The following NDUFAF7 variants were observed in gnomAD, a reference collection of about 807,000 sequenced individuals.
NDUFAF7 encodes the protein protein arginine methyltransferase NDUFAF7, mitochondrial.
In NDUFAF7, 48 loss-of-function variants were observed where a neutral mutation model predicts 47.2. That is an observed-to-expected ratio of 1.02 (90% CI 0.81 to 1.29). The LOEUF is 1.29. Ranked by LOEUF, NDUFAF7 falls within the 50% of genes most tolerant of loss-of-function variation. The pLI, the probability that NDUFAF7 is intolerant of heterozygous loss-of-function variation, is 0.00. For synonymous variants in NDUFAF7, 217 were observed against 190.0 expected, an observed-to-expected ratio of 1.14 and a Z score of -1.17; for missense variants, 635 against 537.6, an observed-to-expected ratio of 1.18 and a Z score of -1.79.
downstream of NDUFAF7, chr2:37,250,669 C>CTT (rs1266523607): frequency 6.6e-6 from 1 of 152,046 alleles, no homozygotes; most frequent in Non-Finnish European, 1.5e-5. Context: ...TCTTTGGATA[C>CTT]TTATACTAGA....
At chr2:37,249,633 C>T (rs1667309074), downstream of NDUFAF7, among the ~76,000 whole-genome samples, 1 of 121,862 alleles carries the variant, frequency 8.2e-6, no homozygotes, top group African/African-American at 3.4e-5. Flanking sequence ...GCACTGTAGC[C>T]TGTGATAGAG....
intron 1 of NDUFAF7, 30 bp from the exon 2 acceptor site, chr2:37,232,076 T>TG: frequency 6.2e-7 from 1 of 1,614,186 alleles, no homozygotes; most frequent in Non-Finnish European, 8.5e-7. Context: ...AGATTTATCA[T>TG]GGGGTCTGTT....
downstream of NDUFAF7, chr2:37,250,667 T>C (rs1014422768): frequency 3.3e-5 from 5 of 152,192 alleles, no homozygotes; most frequent in Non-Finnish European, 7.4e-5. Context: ...TTTCTTTGGA[T>C]ACTTATACTA....
chr2:37,236,117 A>G lies in NDUFAF7; in HGVS notation c.238A>G (p.Met80Val). ...PAKGYYVYRD[M>V]LGEKGDFITS... ...TCAGGGTTATTATGTGTACCGTGAC[A>G]TGCTAGGCGAAAAAGGAGATTTCAT... The change falls in exon 3 of 10, where the codon ATG becomes GTG. Residue 80 changes from methionine to valine, a missense_variant. Met to Val is a conservative substitution (Grantham distance 21). Coordinates refer to ENST00000002125, the MANE Select transcript of NDUFAF7 (RefSeq NM_144736.5). 6.2e-7 allele frequency: 1 copy of G among 1,613,286 alleles called. No individual in the cohort carries two copies. The highest frequency in any genetic ancestry group is 8.5e-7 in the Non-Finnish European group (1 of 1,179,330).
chr2:37,266,928 G>T, the NDUFAF7 span, among the ~76,000 whole-genome samples: 1 of 152,216 alleles, frequency 6.6e-6, no homozygotes, highest in Non-Finnish European at 1.5e-5. Context: ...CTAGATGACC[G>T]CCCCCAAGGG....
At chr2:37,266,728 T>TCCA in the NDUFAF7 span, among the ~76,000 whole-genome samples, 7 of 152,178 alleles carry the variant, frequency 4.6e-5, no homozygotes, top group African/African-American at 1.7e-4. Context: ...CCTCAGGTGA[T>TCCA]CCACCCGCCT....
In NDUFAF7 at chr2:37,246,183, A is replaced by T. The variant is rs767096893; in HGVS notation, c.924A>T (p.Thr308=). ...VADYGHDGTK[T]DTFRGFCDHK... Reference sequence around the variant, plus strand: ...ATTATGGTCATGATGGAACAAAGACAGATACCTTCAGAGTATGTATAATTC... The same window carrying T: ...ATTATGGTCATGATGGAACAAAGACTGATACCTTCAGAGTATGTATAATTC... The change falls in exon 8 of 10, where the codon ACA becomes ACT. Residue 308 remains threonine (T), a synonymous_variant. Transcript: ENST00000002125. 1.9e-6 allele frequency: 3 copies of T among 1,613,826 alleles called. No individual in the cohort carries two copies. The highest frequency in any genetic ancestry group is 2.5e-6 in the Non-Finnish European group (3 of 1,179,774).
rs867585776 is a variant in NDUFAF7, at chr2:37,237,808, G to A, written c.349G>A (p.Ala117Thr). The A allele has an allele frequency of 6.2e-7, 1 of 1,613,870 alleles. No homozygotes were observed. Among genetic ancestry groups the A allele is most frequent in the Admixed American group, 1.7e-5 (1 of 60,012 alleles). ...ATGGATGGCCACTGGAAAAAGCACAGCTTTCCAGCTGGTGGAACTGGGCCC... is the reference window on the plus strand; with the variant it reads ...ATGGATGGCCACTGGAAAAAGCACAACTTTCCAGCTGGTGGAACTGGGCCC... Reference protein sequence around the residue: ...SEWMATGKSTAFQLVELGPGR... With the variant: ...SEWMATGKSTTFQLVELGPGR... Residue 117 changes from alanine to threonine, a missense_variant, in exon 4 of 10, where the codon GCT becomes ACT. Transcript: ENST00000002125.
intron 8 of NDUFAF7, 162 bp from the exon 9 acceptor site, chr2:37,247,293 CT>C: frequency 2.6e-6 from 2 of 781,562 alleles, no homozygotes; most frequent in Non-Finnish European, 4.2e-6. Flanking sequence ...GATGCATATA[CT>C]TTGTAAAACA....
At chr2:37,252,992 T>G (rs1455627418), downstream of NDUFAF7, 1 of 475,210 alleles carries the variant, frequency 2.1e-6, no homozygotes, top group African/African-American at 2.0e-5. Flanking sequence ...CCATTATGAC[T>G]TCTTATTATT....
At chr2:37,254,363 GC>G, downstream of NDUFAF7, 1 of 1,146,606 alleles carries the variant, frequency 8.7e-7, no homozygotes, top group Non-Finnish European at 1.3e-6. Flanking sequence ...TGCCTAGAAG[GC>G]AGTTCAACCC....
chr2:37,259,847 A>G, the NDUFAF7 span, among the ~76,000 whole-genome samples: 1 of 152,188 alleles, frequency 6.6e-6, no homozygotes, highest in African/African-American at 2.4e-5. Context: ...ATCACCCAAC[A>G]TGTAAAAGTA....
chr2:37,253,251 A>G, downstream of NDUFAF7: 1 of 1,612,768 alleles, frequency 6.2e-7, no homozygotes, highest in Non-Finnish European at 8.5e-7. Flanking sequence ...TTATGTGTGT[A>G]TGCATGTATT....
the NDUFAF7 span, among the ~76,000 whole-genome samples, chr2:37,260,541 T>C: frequency 6.6e-6 from 1 of 152,224 alleles, no homozygotes; most frequent in African/African-American, 2.4e-5. Flanking sequence ...AAAAGGATCT[T>C]AGGTTTTAAT....
At chr2:37,235,829 G>C (rs962114386) in intron 2 of NDUFAF7, among the ~76,000 whole-genome samples, 6 of 151,760 alleles carry the variant, frequency 4.0e-5, no homozygotes, top group African/African-American at 1.5e-4. Context: ...TAATTTTTTT[G>C]TATTGTTTTT....
At chr2:37,258,985 C>A in the NDUFAF7 span, among the ~76,000 whole-genome samples, 1 of 151,254 alleles carries the variant, frequency 6.6e-6, no homozygotes, top group Admixed American at 6.6e-5. Context: ...ATGGTTGTTT[C>A]AGAATTTGGG....
In NDUFAF7 at chr2:37,231,728, G is replaced by T. The variant is rs73927405; in HGVS notation, c.23G>T (p.Gly8Val). The T allele has an allele frequency of 1.2e-6, 2 of 1,614,216 alleles. No individual in the cohort carries two copies. The highest frequency in any genetic ancestry group is 1.7e-6 in the Non-Finnish European group (2 of 1,180,034). ...AGCATGAGTGTACTGCTGAGGTCAG[G>T]TTTGGGGCCGTTGTGTGCCGTGGCG... is the stretch of plus-strand genomic sequence containing the variant. MSVLLRSGLGPLCAVARA... is the reference protein window; with the variant it reads MSVLLRSVLGPLCAVARA... The change falls in exon 1 of 10, where the codon GGT (glycine) becomes GTT (valine). Residue 8 changes from glycine (G) to valine (V), a missense_variant. Transcript: ENST00000002125.
At chr2:37,261,056 C>T in the NDUFAF7 span, among the ~76,000 whole-genome samples, 1 of 152,208 alleles carries the variant, frequency 6.6e-6, no homozygotes. Flanking sequence ...TTCAGTGGCT[C>T]TTTATTTCTG....
At chr2:37,245,163 A>G (rs1201625710) in intron 7 of NDUFAF7, among the ~76,000 whole-genome samples, 1 of 152,232 alleles carries the variant, frequency 6.6e-6, no homozygotes, top group Admixed American at 6.5e-5. Context: ...CAACTCAGAA[A>G]GTTTAAGTAA....
Sources: gnomAD v4.1 joint callset for allele counts (sites outside exome capture counted in the v4.1 genomes callset) on GRCh38, gnomAD v4.1.1 for gene constraint, MANE v1.5 for transcripts, NCBI Gene and HGNC (gene_info 2026-07-23, HGNC 2026-07-21) for gene names.